The following PCDHA9 variants were observed in gnomAD, a reference collection of about 807,000 sequenced individuals.
The protein encoded by PCDHA9 is protocadherin alpha 9.
In PCDHA9, 62 loss-of-function variants were observed where a neutral mutation model predicts 62.0. That is an observed-to-expected ratio of 1.00 (90% CI 0.81 to 1.23). The LOEUF (loss-of-function observed/expected upper bound fraction) is 1.23. Among genes scored for constraint, PCDHA9 ranks in the 50% most tolerant of loss-of-function variants. The probability of loss-of-function intolerance (pLI) is 0.00; values close to 1 mark genes in which losing one functional copy is unlikely to be tolerated. For synonymous variants in PCDHA9, 557 were observed against 567.6 expected (o/e 0.98, Z 0.27); for missense variants, 1,205 against 1,249.8 (o/e 0.96, Z 0.54).
At chr5:140,997,062 G>T (rs1159348962) in intron 3 of PCDHA9, among the ~76,000 whole-genome samples, 2 of 151,910 alleles carry the variant, frequency 1.3e-5, no homozygotes, top group African/African-American at 4.8e-5. Flanking sequence ...GCAGTTTTAG[G>T]TTCACAGGAA....
At chr5:140,871,082 C>G in intron 1 of PCDHA9, 1 of 1,613,246 alleles carries the variant, frequency 6.2e-7, no homozygotes, top group South Asian at 1.1e-5. Context: ...GCGCTGACGG[C>G]CACGGCCACC....
rs112749867 is a variant in PCDHA9 at position 140,870,111 on chromosome 5, G to T, written c.2394+19222G>T. On this transcript the variant is annotated intron_variant, in intron 1 of 3. Coordinates refer to ENST00000532602, the MANE Select transcript of PCDHA9 (RefSeq NM_031857.2). ...CAATGGCAGGTCACTGTACAGTCTG[G>T]GTGGAAATCTTGGACACCAACGATA... is the stretch of plus-strand genomic sequence containing the variant. 32 of 1,613,880 alleles carry T rather than the reference G, an allele frequency of 2.0e-5. 1 individual carries two copies. In the African/African-American group the frequency reaches 2.0e-4, roughly 10 times the overall value.
At chr5:140,983,184 T>C (rs1367703446) in intron 3 of PCDHA9, among the ~76,000 whole-genome samples, 2 of 152,192 alleles carry the variant, frequency 1.3e-5, no homozygotes, top group Non-Finnish European at 2.9e-5. Flanking sequence ...CACAATTTCT[T>C]AGTTTAGAGG....
chr5:141,010,312 G>C lies in PCDHA9; in HGVS notation c.*375G>C. On this transcript the variant is annotated 3_prime_UTR_variant, in exon 4 of 4. Transcript: ENST00000532602. ...TGCAGGGCAGGCTGAAAAGTTTTGA[G>C]ATTGAGCAGCTTGGGAGTTTGTGGC... is the stretch of plus-strand genomic sequence containing the variant. 1 of 1,547,400 alleles carries C rather than the reference G, an allele frequency of 6.5e-7. No individual in the cohort carries two copies. The highest frequency in any genetic ancestry group is 8.7e-7 in the Non-Finnish European group (1 of 1,145,752).
At chr5:140,875,780 G>C in intron 1 of PCDHA9, 3 of 1,614,128 alleles carry the variant, frequency 1.9e-6, no homozygotes, top group Admixed American at 3.3e-5. Flanking sequence ...GCGGAGTGCA[G>C]TATCCACCTG....
intron 1 of PCDHA9, chr5:140,966,455 C>T (rs376758355): frequency 4.7e-6 from 2 of 426,810 alleles, no homozygotes; most frequent in East Asian, 3.5e-5. Flanking sequence ...CCCCCTCCCC[C>T]TCTGTCTTCC....
Position 140,941,209 on chromosome 5 carries a change from T to TCCTTTCTTTCTTTC in PCDHA9, c.2395-37740_2395-37739insCCTTTCTTTCTTTC, listed in dbSNP as rs59604197. 5.4e-4 allele frequency among the ~76,000 whole-genome samples: 69 copies of TCCTTTCTTTCTTTC among 126,992 alleles called. 1 individual carries two copies. Among genetic ancestry groups the TCCTTTCTTTCTTTC allele is most frequent in the African/African-American group, 2.2e-3 (68 of 31,202 alleles). The allele number at this position is 126,992 out of a possible 152,430, so 83.3% of individuals were successfully genotyped here. On this transcript the variant is annotated intron_variant, in intron 1 of 3. Coordinates refer to ENST00000532602, the MANE Select transcript of PCDHA9 (RefSeq NM_031857.2). ...TCTTTTTTTTTCTTTCTTCCTTTCT[T>TCCTTTCTTTCTTTC]TCTTCCTTTCTTTCTTTCTTTCTTT...
chr5:140,850,369 G>A lies in PCDHA9; in HGVS notation c.1874G>A (p.Gly625Glu), dbSNP rs2041555140. 2 of 1,597,806 alleles carry A rather than the reference G, an allele frequency of 1.3e-6. No homozygotes were observed. Among genetic ancestry groups the A allele is most frequent in the Admixed American group, 1.7e-5 (1 of 59,266 alleles). The change falls in exon 1 of 4, where the codon GGG becomes GAG. Residue 625 changes from glycine (G) to glutamate (E), a missense_variant. Around this residue, in one of 3 missense-constraint regions of PCDHA9, gnomAD observed 887 missense variants for 809.5 expected, o/e 1.10. Transcript: ENST00000532602. ...TASASIPFRV[G>E]LYTGEISTTR... ...AGCGCGAGCATCCCGTTCCGCGTGG[G>A]GCTGTACACGGGCGAGATCAGCACA...
Position 140,929,023 on chromosome 5 carries a change from C to G in PCDHA9, c.2395-49926C>G, listed in dbSNP as rs2085741813. On this transcript the variant is annotated intron_variant, in intron 1 of 3. Transcript: ENST00000532602. ...CGTGTGTACCAAGTTGCACCAGAGCCCAGGCTGTTGCGCTCAGAGCTGCTG... is the reference window on the plus strand; with the variant it reads ...CGTGTGTACCAAGTTGCACCAGAGCGCAGGCTGTTGCGCTCAGAGCTGCTG... 2.5e-6 allele frequency: 4 copies of G among 1,614,056 alleles called. No homozygotes were observed. The Admixed American group carries it at 6.7e-5, about 27-fold the overall frequency.
In PCDHA9 at chr5:140,848,642, G is replaced by T. The variant is rs148369101; in HGVS notation, c.147G>T (p.Ala49=). The change falls in exon 1 of 4, where the codon GCG becomes GCT. Residue 49 remains alanine, a synonymous_variant. Coordinates refer to ENST00000532602, the MANE Select transcript of PCDHA9 (RefSeq NM_031857.2). ...ACGGCACCTTCGTGGGCCGCATCGC[G>T]CAGGACCTGGGGCTGGAGCTGGCGG... The part of the protein sequence containing the change: ...AEHGTFVGRI[A]QDLGLELAEL... 1.4e-5 allele frequency: 23 copies of T among 1,593,086 alleles called. 1 individual carries two copies. Among genetic ancestry groups the T allele is most frequent in the Admixed American group, 5.1e-5 (3 of 59,214 alleles).
At chr5:140,980,437 C>G (rs1586844281) in intron 2 of PCDHA9, among the ~76,000 whole-genome samples, 1 of 152,156 alleles carries the variant, frequency 6.6e-6, no homozygotes, top group Admixed American at 6.5e-5. Flanking sequence ...CGAGACCATC[C>G]TGGACAACAC....
chr5:140,974,661 G>A (rs542677478), intron 1 of PCDHA9, among the ~76,000 whole-genome samples: 4 of 152,066 alleles, frequency 2.6e-5, no homozygotes, highest in South Asian at 4.2e-4. Context: ...ACAGGCATGC[G>A]CCACCATGCC....
At chr5:140,875,346 T>C in intron 1 of PCDHA9, 1 of 1,443,436 alleles carries the variant, frequency 6.9e-7, no homozygotes. Flanking sequence ...GACTCCATAA[T>C]GACTGTGATG....
chr5:140,869,302 G>A, intron 1 of PCDHA9: 5 of 1,613,642 alleles, frequency 3.1e-6, no homozygotes, highest in Non-Finnish European at 4.2e-6. Flanking sequence ...GTTCCGGGTG[G>A]CGTCCAAAAC....
At chr5:140,857,449 C>T (rs2044602345) in intron 1 of PCDHA9, 1 of 1,598,510 alleles carries the variant, frequency 6.3e-7, no homozygotes, top group East Asian at 2.2e-5. Context: ...AGGAGAACAA[C>T]CCGCCAGGCT....
chr5:140,966,641 A>T, intron 1 of PCDHA9: 1 of 1,104,530 alleles, frequency 9.1e-7, no homozygotes, highest in South Asian at 2.2e-5. Flanking sequence ...GGCGCTTTCT[A>T]GAGCGTGAGC....
At chr5:140,943,277 AG>A (rs199866143) in intron 1 of PCDHA9, among the ~76,000 whole-genome samples, 16,429 of 127,604 alleles carry the variant, frequency 0.13, 1,638 homozygotes, top group African/African-American at 0.18. Flanking sequence ...AAAAAAAAAA[AG>A]AAAGAAAGAA....
At chr5:140,917,324 C>CGGGGGGGGG (rs1299895515) in intron 1 of PCDHA9, among the ~76,000 whole-genome samples, 1 of 76,048 alleles carries the variant, frequency 1.3e-5, no homozygotes, top group Non-Finnish European at 2.9e-5. Context: ...GTTCATGTGG[C>CGGGGGGGGG]GGGGGAGGGG....
chr5:140,900,370 T>G (rs983806569), intron 1 of PCDHA9, among the ~76,000 whole-genome samples: 18 of 152,236 alleles, frequency 1.2e-4, no homozygotes, highest in African/African-American at 4.1e-4. Context: ...CTCTGCCTCC[T>G]GGGTTCAAGC....
Sources: allele counts gnomAD v4.1 joint callset (sites outside exome capture counted in the v4.1 genomes callset), GRCh38; gene constraint gnomAD v4.1.1; regional missense constraint gnomAD v4.1.1; transcripts MANE v1.5; gene names NCBI Gene and HGNC (gene_info 2026-07-23, HGNC 2026-07-21).